The following INPP4B variants were observed in gnomAD, a reference collection of about 807,000 sequenced individuals.
INPP4B encodes the protein inositol polyphosphate 4-phosphatase type II.
Under a neutral mutation model 122.5 loss-of-function variants are expected in INPP4B, and 55 were observed. The ratio of observed to expected loss-of-function variants is 0.45; its 90% confidence interval spans 0.36 to 0.56. INPP4B has a LOEUF of 0.56. Ranked by LOEUF, INPP4B falls within the 20% of genes least tolerant of loss-of-function variation. The probability of loss-of-function intolerance (pLI) is 0.00; values close to 1 mark genes in which losing one functional copy is unlikely to be tolerated. For missense variants in INPP4B, 1,000 were observed against 1,097.7 expected (o/e 0.91, Z 1.26); for synonymous variants, 403 against 388.7 (o/e 1.04, Z -0.43).
At chr4:142,617,249 G>A (rs762209354) in intron 2 of INPP4B, among the ~76,000 whole-genome samples, 22 of 151,866 alleles carry the variant, frequency 1.4e-4, no homozygotes, top group Non-Finnish European at 1.0e-4. Context: ...GCCTACAGCC[G>A]CACTATTTCT....
intron 2 of INPP4B, among the ~76,000 whole-genome samples, chr4:142,584,525 T>C (rs1007412482): frequency 6.6e-6 from 1 of 152,178 alleles, no homozygotes; most frequent in African/African-American, 2.4e-5. Context: ...TTTTGTAGAG[T>C]GTCTCTCAAT....
At chr4:142,710,009 G>A (rs1027725062) in intron 2 of INPP4B, among the ~76,000 whole-genome samples, 6 of 152,146 alleles carry the variant, frequency 3.9e-5, no homozygotes, top group South Asian at 2.1e-4. Context: ...TGACAAATCT[G>A]TATTAGCCTC....
At chr4:142,772,801 T>G (rs949655682) in intron 1 of INPP4B, among the ~76,000 whole-genome samples, 3 of 152,112 alleles carry the variant, frequency 2.0e-5, no homozygotes, top group African/African-American at 7.2e-5. Flanking sequence ...TCCTAGCACT[T>G]TGGGAGGCCA....
chr4:142,028,883 T>TCTTCAGTACATTCTCTATG lies in INPP4B; in HGVS notation c.2655_2673dup (p.Asn892HisfsTer38). 6.2e-7 allele frequency: 1 copy of TCTTCAGTACATTCTCTATG among 1,613,464 alleles called. No homozygotes were observed. Among genetic ancestry groups the TCTTCAGTACATTCTCTATG allele is most frequent in the Non-Finnish European group, 8.5e-7 (1 of 1,179,614 alleles). On this transcript the variant is annotated frameshift_variant, in exon 26 of 26. Coordinates refer to ENST00000262992, the MANE Select transcript of INPP4B (RefSeq NM_001101669.3). LOFTEE classifies it high-confidence loss of function. Reference sequence around the variant, plus strand: ...AAAGCATACTTTCTGCATTTGATATTCTTCAGTACATTCTCTATGCGGCAT... The same window carrying TCTTCAGTACATTCTCTATG: ...AAAGCATACTTTCTGCATTTGATATTCTTCAGTACATTCTCTATGCTTCAGTACATTCTCTATGCGGCAT...
At chr4:142,208,826 T>A in intron 13 of INPP4B, 70 bp downstream of exon 13, 1 of 1,148,114 alleles carries the variant, frequency 8.7e-7, no homozygotes, top group South Asian at 2.2e-5. Context: ...ATCTATTTAT[T>A]ATTTTTTTTT....
chr4:142,301,175 G>A (rs1761241559), intron 9 of INPP4B, among the ~76,000 whole-genome samples: 1 of 152,082 alleles, frequency 6.6e-6, no homozygotes, highest in Non-Finnish European at 1.5e-5. Context: ...CACCAGTTTA[G>A]ATGGATTACA....
intron 2 of INPP4B, among the ~76,000 whole-genome samples, chr4:142,596,136 C>T (rs182972370): frequency 3.5e-4 from 54 of 152,158 alleles, no homozygotes; most frequent in African/African-American, 2.2e-4. Flanking sequence ...TGAGCGACAC[C>T]GCCCAGCCAA....
At chr4:142,496,280 T>C (rs1038764232) in intron 2 of INPP4B, among the ~76,000 whole-genome samples, 1 of 152,178 alleles carries the variant, frequency 6.6e-6, no homozygotes, top group Non-Finnish European at 1.5e-5. Context: ...CTGTAATTAG[T>C]CCATTGTATG....
rs1481725869 is a variant in INPP4B, at chr4:142,026,009, ATC to A, written c.*2771_*2772del. The A allele has an allele frequency of 6.6e-6, 1 of 152,186 alleles. No homozygotes were observed. Among genetic ancestry groups the A allele is most frequent in the Non-Finnish European group, 1.5e-5 (1 of 68,028 alleles). The allele number at this position is 152,186 out of a possible 1,614,324, so 9.4% of individuals were successfully genotyped here. On this transcript the variant is annotated 3_prime_UTR_variant, in exon 26 of 26. Transcript: ENST00000262992. ...TTTCCTAGGGCTCAGTAAATAGCTA[ATC>A]CAGAATTGATATCTGCATTTAATAT... is the stretch of plus-strand genomic sequence containing the variant.
At chr4:142,492,298 A>G (rs1821982576) in intron 2 of INPP4B, among the ~76,000 whole-genome samples, 1 of 151,964 alleles carries the variant, frequency 6.6e-6, no homozygotes, top group Admixed American at 6.6e-5. Flanking sequence ...TACCACAGAG[A>G]GAGGGGCACT....
chr4:142,482,748 T>C (rs1380255666), intron 2 of INPP4B, among the ~76,000 whole-genome samples: 1 of 152,152 alleles, frequency 6.6e-6, no homozygotes, highest in African/African-American at 2.4e-5. Flanking sequence ...CTGACCTTTT[T>C]GACTTGGTCT....
chr4:142,625,006 C>T lies in INPP4B; in HGVS notation c.-191+100833G>A, dbSNP rs566932543. Reference sequence around the variant, plus strand: ...TCAAAATAATAAGAGCTATCTATGACAAACCCACAGCCAATATCATACTGA... The same window carrying T: ...TCAAAATAATAAGAGCTATCTATGATAAACCCACAGCCAATATCATACTGA... On this transcript the variant is annotated intron_variant, in intron 2 of 25. Transcript: ENST00000262992. 5.6e-4 allele frequency among the ~76,000 whole-genome samples: 84 copies of T among 150,940 alleles called. 1 individual carries two copies. Among genetic ancestry groups the T allele is most frequent in the African/African-American group, 2.0e-3 (82 of 41,070 alleles).
intron 7 of INPP4B, among the ~76,000 whole-genome samples, chr4:142,382,076 TA>T (rs558797844): frequency 2.0e-4 from 31 of 152,284 alleles, no homozygotes; most frequent in Non-Finnish European, 4.4e-4. Context: ...TTCCTCTCCA[TA>T]AAAAATACTT....
chr4:142,641,117 T>A (rs937777201), intron 2 of INPP4B, among the ~76,000 whole-genome samples: 1 of 152,040 alleles, frequency 6.6e-6, no homozygotes, highest in Non-Finnish European at 1.5e-5. Context: ...CCAAGAGACA[T>A]GCACAAGAAT....
chr4:142,333,030 A>T (rs939352668), intron 7 of INPP4B, among the ~76,000 whole-genome samples: 1 of 149,948 alleles, frequency 6.7e-6, no homozygotes, highest in African/African-American at 2.5e-5. Flanking sequence ...AAAAAAAACA[A>T]AAAAAAAACC....
chr4:142,827,172 T>C (rs1781553201), intron 1 of INPP4B, among the ~76,000 whole-genome samples: 1 of 152,164 alleles, frequency 6.6e-6, no homozygotes, highest in Non-Finnish European at 1.5e-5. Context: ...CTATCCTCTG[T>C]GGGAAGAATC....
intron 1 of INPP4B, among the ~76,000 whole-genome samples, chr4:142,750,922 T>G (rs1769590868): frequency 1.3e-5 from 2 of 152,072 alleles, no homozygotes; most frequent in Admixed American, 1.3e-4. Context: ...ACAGGTAGAC[T>G]AAATGTAAAA....
At chr4:142,429,797 G>T (rs1442347515) in intron 4 of INPP4B, among the ~76,000 whole-genome samples, 5 of 152,038 alleles carry the variant, frequency 3.3e-5, no homozygotes, top group Admixed American at 2.6e-4. Flanking sequence ...TTTAAGATGA[G>T]CTAGGAGTGA....
chr4:142,122,845 A>G (rs1041201738), intron 20 of INPP4B, among the ~76,000 whole-genome samples: 19 of 152,158 alleles, frequency 1.2e-4, no homozygotes, highest in African/African-American at 4.3e-4. Context: ...ATATGAAATT[A>G]TTAATTATCA....
Sources: gnomAD v4.1 joint callset for allele counts (sites outside exome capture counted in the v4.1 genomes callset) on GRCh38, gnomAD v4.1.1 for gene constraint, MANE v1.5 for transcripts, NCBI Gene and HGNC (gene_info 2026-07-23, HGNC 2026-07-21) for gene names.